TMEM38A: variants seen among roughly 807,000 people sequenced by gnomAD.
TMEM38A encodes trimeric intracellular cation channel type A.
Under a neutral mutation model 28.6 loss-of-function variants are expected in TMEM38A, and 17 were observed. The observed-to-expected ratio is 0.60, with a 90% CI of 0.41 to 0.89. The LOEUF (loss-of-function observed/expected upper bound fraction) is 0.89, where lower values mean the gene tolerates loss of function less well. Ranked by LOEUF, TMEM38A falls within the 40% of genes least tolerant of loss-of-function variation. The probability of loss-of-function intolerance (pLI) is 0.00; values close to 1 mark genes in which losing one functional copy is unlikely to be tolerated. For missense variants in TMEM38A, 328 were observed against 393.1 expected, an observed-to-expected ratio of 0.83 and a Z score of 1.40; for synonymous variants, 169 against 166.1, an observed-to-expected ratio of 1.02 and a Z score of -0.14.
intron 1 of TMEM38A, among the ~76,000 whole-genome samples, chr19:16,663,728 G>C (rs1249790430): frequency 6.6e-6 from 1 of 151,046 alleles, no homozygotes; most frequent in African/African-American, 2.4e-5. Context: ...AGTAGAGACA[G>C]GGTTTCACCG....
At chr19:16,674,011 A>G (rs1399434615) in intron 1 of TMEM38A, among the ~76,000 whole-genome samples, 1 of 151,834 alleles carries the variant, frequency 6.6e-6, no homozygotes, top group Non-Finnish European at 1.5e-5. Flanking sequence ...GCTCAAGCCC[A>G]GGAGTTTGAG....
chr19:16,671,487 G>A (rs537523277), intron 1 of TMEM38A, among the ~76,000 whole-genome samples: 14 of 152,214 alleles, frequency 9.2e-5, no homozygotes, highest in African/African-American at 3.4e-4. Flanking sequence ...GGGATTACAG[G>A]TGTGAGCCAC....
chr19:16,678,707 G>A (rs1298318527), intron 1 of TMEM38A, among the ~76,000 whole-genome samples: 2 of 145,658 alleles, frequency 1.4e-5, no homozygotes, highest in African/African-American at 5.1e-5. Flanking sequence ...CAAGGCTGCA[G>A]TGAGTCGTGA....
At chr19:16,681,910 A>C (rs1008555464) in intron 3 of TMEM38A, among the ~76,000 whole-genome samples, 2 of 152,166 alleles carry the variant, frequency 1.3e-5, no homozygotes, top group African/African-American at 4.8e-5. Context: ...TTTAGGGTAA[A>C]TGGGAAGATT....
intron 1 of TMEM38A, among the ~76,000 whole-genome samples, chr19:16,668,993 TA>T (rs1370871039): frequency 2.0e-5 from 3 of 151,954 alleles, no homozygotes; most frequent in Non-Finnish European, 4.4e-5. Flanking sequence ...CACGCCTGGC[TA>T]ATTTTTTGTA....
At chr19:16,684,095 A>C (rs1028160720) in intron 4 of TMEM38A, among the ~76,000 whole-genome samples, 12 of 150,428 alleles carry the variant, frequency 8.0e-5, no homozygotes, top group African/African-American at 2.7e-4. Context: ...CTGCCACTGC[A>C]CTTCAGCCTG....
intron 4 of TMEM38A, 134 bp from the exon 5 acceptor site, chr19:16,686,154 T>G: frequency 1.6e-6 from 1 of 624,468 alleles, no homozygotes; most frequent in South Asian, 1.9e-5. Flanking sequence ...CAGAGTGAGA[T>G]TCCATCTCAA....
chr19:16,661,900 CG>C lies in TMEM38A; in HGVS notation c.124+562del, dbSNP rs1028894854. Among the ~76,000 whole-genome samples, 55 of 152,080 alleles carry C rather than the reference CG, an allele frequency of 3.6e-4. No individual in the cohort carries two copies. The highest frequency in any genetic ancestry group is 1.3e-3 in the African/African-American group (53 of 41,398). ...ACGGTGCTGAATCTCCGAGCCCCCA[CG>C]GGAATTCTTCCAGCCCTGGCTCCAG... On this transcript the variant is annotated intron_variant, in intron 1 of 5. Transcript: ENST00000187762. This position sits in a 1 kb window ranked among gnomAD's most constrained non-coding sequence, Gnocchi z 6.5.
At chr19:16,683,027 A>G in intron 4 of TMEM38A, among the ~76,000 whole-genome samples, 1 of 152,052 alleles carries the variant, frequency 6.6e-6, no homozygotes, top group Non-Finnish European at 1.5e-5. Context: ...AGGCTTGAGT[A>G]TGCTGGCATG....
At chr19:16,671,720 G>T (rs899380141) in intron 1 of TMEM38A, among the ~76,000 whole-genome samples, 1 of 152,210 alleles carries the variant, frequency 6.6e-6, no homozygotes, top group Non-Finnish European at 1.5e-5. Flanking sequence ...GTGAGCCACC[G>T]CGCCCAGCCG....
intron 1 of TMEM38A, among the ~76,000 whole-genome samples, chr19:16,665,659 G>A (rs1041739562): frequency 6.6e-6 from 1 of 152,104 alleles, no homozygotes; most frequent in African/African-American, 2.4e-5. Flanking sequence ...CCTAGCGATT[G>A]TAAAGATCTA....
intron 1 of TMEM38A, among the ~76,000 whole-genome samples, chr19:16,673,437 G>C (rs1398811778): frequency 1.3e-5 from 2 of 152,158 alleles, no homozygotes; most frequent in Admixed American, 6.6e-5. Context: ...GCTTTACTAA[G>C]AGACTGTTGA....
At chr19:16,674,666 G>A (rs150347016) in intron 1 of TMEM38A, among the ~76,000 whole-genome samples, 253 of 152,072 alleles carry the variant, frequency 1.7e-3, no homozygotes, top group African/African-American at 5.9e-3. Flanking sequence ...GGGCGTGGTG[G>A]TCCATGCCTG....
intron 1 of TMEM38A, among the ~76,000 whole-genome samples, chr19:16,678,522 A>G (rs2086763016): frequency 6.6e-6 from 1 of 151,800 alleles, no homozygotes. Context: ...CTCTTTGGGA[A>G]GCTGAGCCAG....
chr19:16,665,954 A>C (rs2086701314), intron 1 of TMEM38A, among the ~76,000 whole-genome samples: 1 of 151,642 alleles, frequency 6.6e-6, no homozygotes, highest in Non-Finnish European at 1.5e-5. Context: ...GATTACAAGC[A>C]TCCACCACCA....
intron 4 of TMEM38A, among the ~76,000 whole-genome samples, chr19:16,683,712 T>C (rs2086790545): frequency 6.6e-6 from 1 of 152,006 alleles, no homozygotes; most frequent in South Asian, 2.1e-4. Flanking sequence ...GGCTCACGCC[T>C]GTAATCCCAG....
In TMEM38A at chr19:16,681,716, C is replaced by T. The variant is rs531066134; in HGVS notation, c.467-705C>T. 5.4e-4 allele frequency among the ~76,000 whole-genome samples: 82 copies of T among 152,282 alleles called. No homozygotes were observed. The South Asian group carries it at 0.013, about 24-fold the overall frequency. On this transcript the variant is annotated intron_variant, in intron 3 of 5. Coordinates refer to ENST00000187762, the MANE Select transcript of TMEM38A (RefSeq NM_024074.4). ...GTGAGCCACCTCCCTGGCCTCGACT[C>T]ACTAAATACCAGTAGCGCTCCCTCC...
chr19:16,677,038 G>T (rs2086754803), intron 1 of TMEM38A, among the ~76,000 whole-genome samples: 1 of 149,220 alleles, frequency 6.7e-6, no homozygotes, highest in Admixed American at 6.7e-5. Flanking sequence ...TGGGATTACA[G>T]GCATGAGCCA....
intron 4 of TMEM38A, among the ~76,000 whole-genome samples, chr19:16,685,459 C>T (rs1473035657): frequency 6.6e-6 from 1 of 152,168 alleles, no homozygotes; most frequent in Non-Finnish European, 1.5e-5. Flanking sequence ...TGAAAATATC[C>T]AGTTTTCCTC....
Sources: gnomAD v4.1 joint callset for allele counts (sites outside exome capture counted in the v4.1 genomes callset) on GRCh38, gnomAD v4.1.1 for gene constraint, Gnocchi (gnomAD v3.1) non-coding constraint, MANE v1.5 for transcripts, NCBI Gene and HGNC (gene_info 2026-07-23, HGNC 2026-07-21) for gene names.